Variants in CNGB3 observed in about 807,000 individuals in gnomAD.
CNGB3 encodes the protein cyclic nucleotide-gated channel beta-3.
Under a neutral mutation model 92.8 loss-of-function variants are expected in CNGB3, and 86 were observed. The ratio of observed to expected loss-of-function variants is 0.93; its 90% CI spans 0.78 to 1.11. CNGB3 has a LOEUF of 1.11. Among genes scored for constraint, CNGB3 ranks in the 50% least tolerant of loss-of-function variants. The probability of loss-of-function intolerance (pLI) is 0.00; values close to 1 mark genes in which losing one functional copy is unlikely to be tolerated. For synonymous variants in CNGB3, 333 were observed against 332.7 expected (o/e 1.00, Z -0.01); for missense variants, 1,026 against 956.8 (o/e 1.07, Z -0.95).
At chr8:86,631,811 C>T (rs1352921842) in intron 11 of CNGB3, among the ~76,000 whole-genome samples, 8 of 152,222 alleles carry the variant, frequency 5.3e-5, no homozygotes, top group Non-Finnish European at 7.4e-5. Context: ...GCCATATCCC[C>T]GTGTATCTGT....
intron 3 of CNGB3, among the ~76,000 whole-genome samples, chr8:86,693,428 TA>T (rs879346448): frequency 0.16 from 21,976 of 138,628 alleles, 1,756 homozygotes; most frequent in African/African-American, 0.23. Flanking sequence ...TTTTTATTAT[TA>T]TTATTATTTA....
intron 15 of CNGB3, among the ~76,000 whole-genome samples, chr8:86,600,125 G>C (rs965101626): frequency 4.6e-5 from 7 of 152,110 alleles, no homozygotes; most frequent in African/African-American, 1.7e-4. Context: ...AAATATCGGG[G>C]GTGGATTTTG....
intron 15 of CNGB3, among the ~76,000 whole-genome samples, chr8:86,602,900 G>C (rs1182550527): frequency 1.3e-5 from 2 of 152,128 alleles, no homozygotes; most frequent in Admixed American, 6.5e-5. Context: ...TGGCGTAAAA[G>C]ACCATGTTAT....
chr8:86,578,913 G>C (rs573499236), intron 16 of CNGB3, 50 bp from the exon 17 acceptor site: 2 of 1,609,864 alleles, frequency 1.2e-6, no homozygotes, highest in Admixed American at 1.7e-5. Context: ...GAGAGTTCTG[G>C]CAAAATCTAC....
intron 15 of CNGB3, among the ~76,000 whole-genome samples, chr8:86,601,450 T>C (rs1822296487): frequency 6.6e-6 from 1 of 152,180 alleles, no homozygotes; most frequent in Admixed American, 6.5e-5. Flanking sequence ...TATTAATCTA[T>C]ATTTTAGTCA....
At chr8:86,634,644 C>T (rs909728560) in intron 10 of CNGB3, among the ~76,000 whole-genome samples, 1 of 151,662 alleles carries the variant, frequency 6.6e-6, no homozygotes, top group Admixed American at 6.6e-5. Context: ...TTTTGTGTGT[C>T]CCAACTAGCT....
chr8:86,671,953 G>T (rs915338054), intron 3 of CNGB3, among the ~76,000 whole-genome samples: 2 of 152,076 alleles, frequency 1.3e-5, no homozygotes, highest in Admixed American at 1.3e-4. Flanking sequence ...CTAATAGCTG[G>T]GTGGTTTTTA....
chr8:86,626,288 G>T (rs560740337), intron 12 of CNGB3, among the ~76,000 whole-genome samples: 1 of 152,258 alleles, frequency 6.6e-6, no homozygotes. Flanking sequence ...TGCAATAAAA[G>T]AAGTATTTTT....
In CNGB3 at chr8:86,606,524, T is replaced by C. The variant is rs139303058; in HGVS notation, c.1663-2313A>G. On this transcript the variant is annotated intron_variant, in intron 14 of 17. Transcript: ENST00000320005. ...GAAATTCCAATATAGATGGATCTTA[T>C]ATTTATTTACATACTATTAATGCTA... 6.1e-3 allele frequency among the ~76,000 whole-genome samples: 923 copies of C among 152,352 alleles called. 7 individuals are homozygous for C. Among genetic ancestry groups the C allele is most frequent in the African/African-American group, 0.021 (872 of 41,576 alleles).
intron 10 of CNGB3, among the ~76,000 whole-genome samples, chr8:86,643,254 G>A (rs952962080): frequency 4.0e-5 from 6 of 151,566 alleles, no homozygotes; most frequent in South Asian, 4.1e-4. Flanking sequence ...GGGTACTCAT[G>A]CAATTTTGTT....
chr8:86,666,297 TA>T (rs1452116542), intron 6 of CNGB3, among the ~76,000 whole-genome samples: 1 of 152,188 alleles, frequency 6.6e-6, no homozygotes, highest in Non-Finnish European at 1.5e-5. Flanking sequence ...ATTATTTAGG[TA>T]AAATATGTGG....
intron 15 of CNGB3, among the ~76,000 whole-genome samples, chr8:86,598,517 C>A (rs771087170): frequency 1.3e-5 from 2 of 152,174 alleles, no homozygotes; most frequent in Non-Finnish European, 2.9e-5. Context: ...CAAATTATCA[C>A]AAAACAACTG....
chr8:86,659,801 C>T (rs1305771004), intron 6 of CNGB3: 17 of 384,008 alleles, frequency 4.4e-5, no homozygotes, highest in South Asian at 3.1e-4. Context: ...TGCTTGCTTT[C>T]TTTTCTTCTT....
intron 3 of CNGB3, among the ~76,000 whole-genome samples, chr8:86,708,559 C>A (rs377469337): frequency 1.2e-4 from 16 of 129,316 alleles, no homozygotes; most frequent in Admixed American, 2.7e-4. Context: ...CTTTTCTTTT[C>A]TTAATTTTTT....
At chr8:86,614,873 C>G (rs985313510) in intron 13 of CNGB3, among the ~76,000 whole-genome samples, 1 of 152,136 alleles carries the variant, frequency 6.6e-6, no homozygotes, top group Non-Finnish European at 1.5e-5. Flanking sequence ...AGTACAGCCA[C>G]TCTCCCAAGA....
intron 3 of CNGB3, among the ~76,000 whole-genome samples, chr8:86,685,542 G>A (rs1014854714): frequency 2.0e-5 from 3 of 152,102 alleles, no homozygotes; most frequent in Non-Finnish European, 2.9e-5. Flanking sequence ...CTTGAGAGAA[G>A]GGTAAAAAGT....
chr8:86,634,892 ATT>A (rs1365529064), intron 10 of CNGB3, among the ~76,000 whole-genome samples: 2 of 152,030 alleles, frequency 1.3e-5, no homozygotes, highest in African/African-American at 4.8e-5. Flanking sequence ...TGAAGTTAAT[ATT>A]CAAATAAAAA....
chr8:86,660,709 C>T (rs1823623197), intron 6 of CNGB3: 1 of 529,034 alleles, frequency 1.9e-6, no homozygotes, highest in Non-Finnish European at 3.9e-6. Context: ...GTTCCATACA[C>T]AGTGCTCCCC....
intron 3 of CNGB3, among the ~76,000 whole-genome samples, chr8:86,711,801 A>G (rs924917075): frequency 3.5e-5 from 5 of 144,850 alleles, no homozygotes; most frequent in African/African-American, 1.3e-4. Flanking sequence ...TGGAGGCTCT[A>G]GCAGGTAGTT....
Sources: allele counts gnomAD v4.1 joint callset (sites outside exome capture counted in the v4.1 genomes callset), GRCh38; gene constraint gnomAD v4.1.1; transcripts MANE v1.5; gene names NCBI Gene and HGNC (gene_info 2026-07-23, HGNC 2026-07-21).